HCN4: variants seen among roughly 807,000 people sequenced by gnomAD.
HCN4 encodes the protein hyperpolarization activated cyclic nucleotide gated potassium channel 4.
Under a neutral mutation model 76.9 loss-of-function variants are expected in HCN4, and 29 were observed. The ratio of observed to expected loss-of-function variants is 0.38; its 90% CI spans 0.28 to 0.51. HCN4 has a LOEUF of 0.51. HCN4 is among the 20% of genes least tolerant of loss of function. The pLI is 0.90. For missense variants in HCN4, 1,416 were observed against 1,715.2 expected (o/e 0.83, Z 3.08); for synonymous variants, 772 against 762.5 (o/e 1.01, Z -0.21).
At chr15:73,332,765 G>A (rs1050625202) in intron 2 of HCN4, among the ~76,000 whole-genome samples, 46 of 152,290 alleles carry the variant, frequency 3.0e-4, no homozygotes, top group African/African-American at 1.1e-3. Flanking sequence ...CGGTAGCCAC[G>A]GAACTGCAGA....
chr15:73,353,059 C>CGGAT (rs1198129782), intron 1 of HCN4, among the ~76,000 whole-genome samples: 3 of 150,486 alleles, frequency 2.0e-5, no homozygotes, highest in African/African-American at 7.3e-5. Flanking sequence ...GACGGACGGA[C>CGGAT]GGGAGACTGT....
intron 2 of HCN4, among the ~76,000 whole-genome samples, chr15:73,334,098 C>T (rs3859014): frequency 0.3 from 45,602 of 152,150 alleles, 7,918 homozygotes; most frequent in East Asian, 0.54. Context: ...GCCAGCTTCT[C>T]GCCTCCCCAG....
chr15:73,363,493 G>C (rs1028978826), intron 1 of HCN4, among the ~76,000 whole-genome samples: 2 of 152,186 alleles, frequency 1.3e-5, no homozygotes, highest in Admixed American at 1.3e-4. Flanking sequence ...CTCTCACCAG[G>C]CCCAGGCTCT....
At chr15:73,347,709 G>A (rs1383137867) in intron 1 of HCN4, among the ~76,000 whole-genome samples, 1 of 152,174 alleles carries the variant, frequency 6.6e-6, no homozygotes, top group Non-Finnish European at 1.5e-5. Context: ...ACAATCCAGG[G>A]TGTGAATCCA....
chr15:73,359,478 T>C (rs1378996999), intron 1 of HCN4, among the ~76,000 whole-genome samples: 5 of 152,102 alleles, frequency 3.3e-5, no homozygotes, highest in Non-Finnish European at 1.5e-5. Flanking sequence ...CTAAGAGGTG[T>C]AGGAGCTCAG....
intron 2 of HCN4, among the ~76,000 whole-genome samples, chr15:73,335,810 C>A (rs1434516200): frequency 1.3e-4 from 20 of 152,032 alleles, no homozygotes; most frequent in Admixed American, 1.3e-3. Flanking sequence ...AGACTCCTCA[C>A]TGTGGGGAGA....
At chr15:73,366,458 T>C (rs1313075421) in intron 1 of HCN4, among the ~76,000 whole-genome samples, 1 of 152,136 alleles carries the variant, frequency 6.6e-6, no homozygotes. Flanking sequence ...GAAAAGTGTT[T>C]CCCAGACCTT....
At chr15:73,334,268 G>A (rs1218044372) in intron 2 of HCN4, among the ~76,000 whole-genome samples, 6 of 152,174 alleles carry the variant, frequency 3.9e-5, no homozygotes, top group Admixed American at 3.9e-4. Context: ...GGGCCCTGGA[G>A]AGCAGGCCGG....
At position 73,343,318 on chromosome 15, in the gene HCN4, C is replaced by T; in HGVS notation, c.1209+67G>A. On this transcript the variant is annotated intron_variant, in intron 2 of 7. Transcript: ENST00000261917. The surrounding 1 kb of genome is among the most constrained non-coding windows in gnomAD (Gnocchi z 5.7). ...CCTATGTTCAATTATCTGAGGTTCC[C>T]TGCCAGTTCCTCACTCCCTCTGTGG... 2 of 1,491,624 alleles carry T rather than the reference C, an allele frequency of 1.3e-6. No homozygotes were observed. Among genetic ancestry groups the T allele is most frequent in the South Asian group, 1.2e-5 (1 of 85,504 alleles). 92.4% of individuals were successfully genotyped at this position (1,491,624 alleles called of 1,614,324 possible).
Position 73,322,820 on chromosome 15 carries a change from TG to T in HCN4, c.3272del (p.Pro1091GlnfsTer90). ...TCTGCGCCCCGTCCTGAGGCAGGGC[TG>T]GCTGAGACGCGGAGATGAGCTTGAG... Reference protein sequence around the residue: ...QDLKLISASQPALPQDGAQTL... With the variant: ...QDLKLISASQXALPQDGAQTL... On this transcript the variant is annotated frameshift_variant, in exon 8 of 8. Transcript: ENST00000261917. LOFTEE classifies it high-confidence loss of function. The T allele has an allele frequency of 6.5e-7, 1 of 1,530,212 alleles. No individual in the cohort carries two copies. Among genetic ancestry groups the T allele is most frequent in the Non-Finnish European group, 8.8e-7 (1 of 1,139,894 alleles). The allele number at this position is 1,530,212 out of a possible 1,614,324, so 94.8% of individuals were successfully genotyped here. A position where few individuals can be genotyped will look rare whatever the true frequency, so the allele number is the denominator to read the frequency against.
intron 4 of HCN4, among the ~76,000 whole-genome samples, chr15:73,326,338 C>T (rs1446409207): frequency 6.6e-6 from 1 of 152,188 alleles, no homozygotes; most frequent in African/African-American, 2.4e-5. Context: ...ACAACTGCTG[C>T]ACAGAAACAC....
intron 1 of HCN4, among the ~76,000 whole-genome samples, chr15:73,353,213 A>C (rs1039688111): frequency 2.6e-5 from 4 of 152,182 alleles, no homozygotes; most frequent in African/African-American, 4.8e-5. Context: ...CTTCCCCAAA[A>C]CAGGCAGATG....
Position 73,367,950 on chromosome 15 carries a change from G to A in HCN4, c.321C>T (p.Gly107=), listed in dbSNP as rs1555479019. 7.4e-7 allele frequency: 1 copy of A among 1,350,180 alleles called. No individual in the cohort carries two copies. Among genetic ancestry groups the A allele is most frequent in the Non-Finnish European group, 9.5e-7 (1 of 1,055,382 alleles). 83.6% of individuals were successfully genotyped at this position (1,350,180 alleles called of 1,614,324 possible). Residue 107 remains glycine (G), a synonymous_variant, in exon 1 of 8, where the codon GGC becomes GGT. Coordinates refer to ENST00000261917, the MANE Select transcript of HCN4 (RefSeq NM_005477.3). This position sits in a 1 kb window ranked among gnomAD's most constrained non-coding sequence, Gnocchi z 7.5. ...RGSLASLGSR[G]GGSGGTGSGS... is the part of the protein sequence containing the mutation. The stretch of plus-strand genomic sequence containing the variant: ...CGCTCCCCGTGCCGCCGCTGCCGCC[G>A]CCCCGGCTGCCCAGCGAGGCCAGGC...
At chr15:73,345,944 C>T (rs1428035581) in intron 1 of HCN4, among the ~76,000 whole-genome samples, 1 of 152,184 alleles carries the variant, frequency 6.6e-6, no homozygotes, top group Non-Finnish European at 1.5e-5. Context: ...CTCCCCAGCT[C>T]TAGTTCCCTC....
rs2042970416 is a variant in HCN4, at chr15:73,336,997, T to G, written c.1210-4705A>C. Reference sequence around the variant, plus strand: ...AAGCCATCTCTGGCCACAGCGGCCTTCCTTCATGTCCTTGAATGCCCCAGG... The same window carrying G: ...AAGCCATCTCTGGCCACAGCGGCCTGCCTTCATGTCCTTGAATGCCCCAGG... On this transcript the variant is annotated intron_variant, in intron 2 of 7. Coordinates refer to ENST00000261917, the MANE Select transcript of HCN4 (RefSeq NM_005477.3). Among the ~76,000 whole-genome samples, 3 of 152,218 alleles carry G rather than the reference T, an allele frequency of 2.0e-5. No homozygotes were observed. The South Asian group carries it at 6.2e-4, about 31-fold the overall frequency.
chr15:73,343,355 TC>T lies in HCN4; in HGVS notation c.1209+29del. ...CACTCCCTCTGTGGGGAGTGGCCTT[TC>T]CCCCAAGAGGTTTGCACTGACCACT... On this transcript the variant is annotated intron_variant, in intron 2 of 7. Transcript: ENST00000261917. The surrounding 1 kb of genome is among the most constrained non-coding windows in gnomAD (Gnocchi z 5.7). 6.2e-7 allele frequency: 1 copy of T among 1,609,962 alleles called. No homozygotes were observed. Among genetic ancestry groups the T allele is most frequent in the Non-Finnish European group, 8.5e-7 (1 of 1,177,036 alleles).
Position 73,368,365 on chromosome 15 carries a change from A to T in HCN4, c.-95T>A. On this transcript the variant is annotated 5_prime_UTR_variant, in exon 1 of 8. Transcript: ENST00000261917. The surrounding 1 kb of genome is among the most constrained non-coding windows in gnomAD (Gnocchi z 6.9). Reference sequence around the variant, plus strand: ...CCCGCCGGTCAGTCCGCCCGTGGGGACGCGTCCTTTGCCGCCGGCGTGGGG... The same window carrying T: ...CCCGCCGGTCAGTCCGCCCGTGGGGTCGCGTCCTTTGCCGCCGGCGTGGGG... The T allele has an allele frequency of 1.1e-6, 1 of 896,924 alleles. No individual in the cohort carries two copies. Among genetic ancestry groups the T allele is most frequent in the Non-Finnish European group, 1.5e-6 (1 of 667,580 alleles). 55.6% of individuals were successfully genotyped at this position (896,924 alleles called of 1,614,324 possible).
intron 1 of HCN4, among the ~76,000 whole-genome samples, chr15:73,351,704 C>T (rs912535436): frequency 2.6e-5 from 4 of 152,206 alleles, no homozygotes; most frequent in African/African-American, 9.6e-5. Context: ...ATCGACTCTC[C>T]ACACTTTGCT....
intron 1 of HCN4, among the ~76,000 whole-genome samples, chr15:73,363,448 C>G (rs2043115429): frequency 6.6e-6 from 1 of 152,206 alleles, no homozygotes; most frequent in African/African-American, 2.4e-5. Flanking sequence ...CAGAGGGACC[C>G]CCACTGCCAG....
Sources: allele counts gnomAD v4.1 joint callset (sites outside exome capture counted in the v4.1 genomes callset), GRCh38; gene constraint gnomAD v4.1.1; non-coding constraint Gnocchi (gnomAD v3.1); transcripts MANE v1.5; gene names NCBI Gene and HGNC (gene_info 2026-07-23, HGNC 2026-07-21).